Variants in SUPT3H observed in about 807,000 individuals in gnomAD.
SUPT3H encodes transcription initiation protein SPT3 homolog.
In SUPT3H, 44 loss-of-function variants were observed where a neutral mutation model predicts 44.3. The ratio of observed to expected loss-of-function variants is 0.99; its 90% CI spans 0.78 to 1.28. SUPT3H has a LOEUF of 1.28. SUPT3H is among the 50% of genes most tolerant of loss of function. The pLI, the probability that SUPT3H is intolerant of heterozygous loss-of-function variation, is 0.00. For missense variants in SUPT3H, 380 were observed against 387.1 expected (o/e 0.98, Z 0.15); for synonymous variants, 124 against 125.6 (o/e 0.99, Z 0.09).
chr6:44,812,058 GA>G (rs34244936), intron 11 of SUPT3H, among the ~76,000 whole-genome samples: 43 of 149,868 alleles, frequency 2.9e-4, no homozygotes, highest in South Asian at 2.1e-4. Flanking sequence ...ACAGAAGCTG[GA>G]AAAAAAAATA....
At chr6:45,229,948 C>T (rs1276598152) in intron 2 of SUPT3H, among the ~76,000 whole-genome samples, 1 of 152,156 alleles carries the variant, frequency 6.6e-6, no homozygotes, top group Non-Finnish European at 1.5e-5. Flanking sequence ...TACATTTGTA[C>T]CCATAACCAA....
chr6:44,893,791 C>T (rs1347560460), intron 10 of SUPT3H, among the ~76,000 whole-genome samples: 36 of 142,990 alleles, frequency 2.5e-4, no homozygotes, highest in African/African-American at 7.6e-4. Context: ...CCTGAGGAAT[C>T]GCCACACTGA....
chr6:44,810,174 CG>C (rs1561827634), intron 11 of SUPT3H, among the ~76,000 whole-genome samples: 2 of 152,148 alleles, frequency 1.3e-5, no homozygotes, highest in Non-Finnish European at 2.9e-5. Context: ...AAGCCACTAA[CG>C]TTTGGGGTGG....
intron 2 of SUPT3H, among the ~76,000 whole-genome samples, chr6:45,279,623 A>C (rs372155338): frequency 2.0e-5 from 3 of 152,216 alleles, no homozygotes; most frequent in Non-Finnish European, 4.4e-5. Flanking sequence ...CTGAGGCATC[A>C]TAAGAAGTCA....
At chr6:44,922,896 T>C (rs1582517677) in intron 10 of SUPT3H, among the ~76,000 whole-genome samples, 2 of 152,180 alleles carry the variant, frequency 1.3e-5, no homozygotes, top group African/African-American at 4.8e-5. Context: ...TGTGCTGCTT[T>C]CATGAATTCA....
chr6:44,880,396 T>A (rs939309484), intron 10 of SUPT3H, among the ~76,000 whole-genome samples: 1 of 151,324 alleles, frequency 6.6e-6, no homozygotes. Context: ...TGAAAAGGAG[T>A]GAACAAAGCC....
chr6:44,864,690 G>C (rs1775206321), intron 10 of SUPT3H, among the ~76,000 whole-genome samples: 1 of 152,148 alleles, frequency 6.6e-6, no homozygotes, highest in Non-Finnish European at 1.5e-5. Flanking sequence ...GAGTGACTGG[G>C]ACACAGGGCA....
At chr6:45,085,681 T>C (rs1172195851) in intron 3 of SUPT3H, among the ~76,000 whole-genome samples, 1 of 152,154 alleles carries the variant, frequency 6.6e-6, no homozygotes, top group Non-Finnish European at 1.5e-5. Context: ...CTTGCTTGTA[T>C]ATGTTTTCCA....
chr6:45,043,501 A>G (rs774611322), intron 3 of SUPT3H, among the ~76,000 whole-genome samples: 7 of 152,180 alleles, frequency 4.6e-5, no homozygotes, highest in Non-Finnish European at 7.4e-5. Flanking sequence ...CACAGGGAGC[A>G]ATGATGAGAC....
At chr6:45,025,610 G>A (rs1166965760) in intron 3 of SUPT3H, among the ~76,000 whole-genome samples, 4 of 152,144 alleles carry the variant, frequency 2.6e-5, no homozygotes, top group Admixed American at 1.3e-4. Flanking sequence ...TTGGCCGGGC[G>A]CGGTGGCTCA....
chr6:45,338,143 A>G (rs1316505416), intron 2 of SUPT3H, among the ~76,000 whole-genome samples: 1 of 152,014 alleles, frequency 6.6e-6, no homozygotes, highest in Non-Finnish European at 1.5e-5. Context: ...GCTTTCTGTA[A>G]GTTGTACTTT....
At chr6:45,092,264 G>C (rs920013542) in intron 3 of SUPT3H, among the ~76,000 whole-genome samples, 1 of 152,004 alleles carries the variant, frequency 6.6e-6, no homozygotes. Flanking sequence ...TCTGGGTACT[G>C]AGCATGATTT....
intron 6 of SUPT3H, among the ~76,000 whole-genome samples, chr6:44,972,143 C>G (rs952857614): frequency 1.3e-5 from 2 of 152,168 alleles, no homozygotes; most frequent in African/African-American, 4.8e-5. Context: ...TCATCTGAGA[C>G]AAGACCAGTC....
Position 45,302,099 on chromosome 6 carries a change from C to T in SUPT3H, c.101+63102G>A, listed in dbSNP as rs575608291. ...TGCGTCAATTGTATGAGGGAAGTAA[C>T]TTTTTAAATAAATTTATTTCCATAG... On this transcript the variant is annotated intron_variant, in intron 2 of 10. Transcript: ENST00000371459. Among the ~76,000 whole-genome samples, 262 of 152,168 alleles carry T rather than the reference C, an allele frequency of 1.7e-3. 1 individual carries two copies. Among genetic ancestry groups the T allele is most frequent in the African/African-American group, 5.9e-3 (245 of 41,502 alleles).
rs187027689 is a variant in SUPT3H, at chr6:44,827,192, G to C, written c.*2624C>G. 2.0e-5 allele frequency among the ~76,000 whole-genome samples: 3 copies of C among 152,232 alleles called. No individual in the cohort carries two copies. The highest frequency in any genetic ancestry group is 6.5e-5 in the Admixed American group (1 of 15,284). On this transcript the variant is annotated 3_prime_UTR_variant, in exon 11 of 11. Coordinates refer to ENST00000371459, the MANE Select transcript of SUPT3H (RefSeq NM_003599.4). ...GCTTTGTATATTTCCATTTGACTTA[G>C]AGTTAAGCCTGATGTGTAAGATAAC...
At chr6:45,225,160 T>C (rs1360323544) in intron 2 of SUPT3H, among the ~76,000 whole-genome samples, 4 of 151,472 alleles carry the variant, frequency 2.6e-5, no homozygotes, top group Non-Finnish European at 5.9e-5. Context: ...GCGTCTGTAA[T>C]CTCAGCTACT....
chr6:44,989,210 G>GC (rs1282773362), intron 6 of SUPT3H, among the ~76,000 whole-genome samples: 6 of 152,098 alleles, frequency 3.9e-5, no homozygotes, highest in Non-Finnish European at 7.4e-5. Context: ...TGGTTACACT[G>GC]CATGTATAAG....
At chr6:44,890,661 T>C (rs1025143941) in intron 10 of SUPT3H, among the ~76,000 whole-genome samples, 8 of 146,350 alleles carry the variant, frequency 5.5e-5, no homozygotes, top group African/African-American at 2.0e-4. Context: ...TAATGCTAAA[T>C]GACGAGTTAA....
At chr6:45,231,665 T>C (rs1427788503) in intron 2 of SUPT3H, among the ~76,000 whole-genome samples, 1 of 152,200 alleles carries the variant, frequency 6.6e-6, no homozygotes, top group Non-Finnish European at 1.5e-5. Context: ...TTTTAATCTA[T>C]TAATTTGTTT....
Sources: allele counts gnomAD v4.1 joint callset (sites outside exome capture counted in the v4.1 genomes callset), GRCh38; gene constraint gnomAD v4.1.1; transcripts MANE v1.5; gene names NCBI Gene and HGNC (gene_info 2026-07-23, HGNC 2026-07-21).